VDAC1: variants seen among roughly 807,000 people sequenced by gnomAD.
VDAC1 encodes non-selective voltage-gated ion channel VDAC1.
Under a neutral mutation model 34.7 loss-of-function variants are expected in VDAC1, and 10 were observed. The observed-to-expected ratio is 0.29, with a 90% CI of 0.18 to 0.49. The LOEUF (loss-of-function observed/expected upper bound fraction) is 0.49. Ranked by LOEUF, VDAC1 falls within the 20% of genes least tolerant of loss-of-function variation. VDAC1 has a pLI of 0.99. For synonymous variants in VDAC1, 130 were observed against 136.0 expected (o/e 0.96, Z 0.30); for missense variants, 230 against 347.9 (o/e 0.66, Z 2.69).
chr5:133,992,592 TAAG>T (rs1753146170), intron 2 of VDAC1, among the ~76,000 whole-genome samples: 2 of 152,234 alleles, frequency 1.3e-5, no homozygotes, highest in African/African-American at 2.4e-5. Flanking sequence ...CAGGGTCTGA[TAAG>T]AAGACACCTG....
At chr5:134,075,802 G>C in the VDAC1 span, among the ~76,000 whole-genome samples, 1 of 151,962 alleles carries the variant, frequency 6.6e-6, no homozygotes, top group South Asian at 2.1e-4. Context: ...AGCCAGGATG[G>C]TCTCGATCTC....
At chr5:134,008,195 A>G (rs1753786602), upstream of VDAC1, among the ~76,000 whole-genome samples, 1 of 151,638 alleles carries the variant, frequency 6.6e-6, no homozygotes, top group African/African-American at 2.4e-5. Context: ...ATGAGACCAG[A>G]TGAGAATTCC....
At chr5:134,054,129 G>A in the VDAC1 span, among the ~76,000 whole-genome samples, 105,040 of 152,102 alleles carry the variant, frequency 0.69, 36,953 homozygotes, top group Admixed American at 0.78. Flanking sequence ...GAATTTACAA[G>A]GTGTCTTTTA....
the VDAC1 span, among the ~76,000 whole-genome samples, chr5:134,050,480 T>C: frequency 6.6e-6 from 1 of 152,106 alleles, no homozygotes; most frequent in South Asian, 2.1e-4. Flanking sequence ...AGCAACTGTT[T>C]CCTCTGGGCA....
chr5:134,071,448 C>G, the VDAC1 span, among the ~76,000 whole-genome samples: 2 of 152,198 alleles, frequency 1.3e-5, no homozygotes, highest in Non-Finnish European at 2.9e-5. This position sits in a 1 kb window ranked among gnomAD's most constrained non-coding sequence, Gnocchi z 4.1. Context: ...GGGGGAGCGC[C>G]CTTCTCCACG....
At chr5:134,095,591 A>G in the VDAC1 span, among the ~76,000 whole-genome samples, 1 of 152,178 alleles carries the variant, frequency 6.6e-6, no homozygotes, top group East Asian at 1.9e-4. Flanking sequence ...GACTATCACA[A>G]GACTGGGGTT....
chr5:134,090,069 G>A, the VDAC1 span, among the ~76,000 whole-genome samples: 4 of 152,092 alleles, frequency 2.6e-5, no homozygotes, highest in South Asian at 2.1e-4. Flanking sequence ...CTCAGGCCTC[G>A]TCCAGTCTGG....
the VDAC1 span, among the ~76,000 whole-genome samples, chr5:134,083,662 A>G: frequency 6.6e-6 from 1 of 152,244 alleles, no homozygotes. Flanking sequence ...CCCTCTGCAC[A>G]GATGTCTCCA....
At chr5:133,977,624 G>A (rs187378157) in intron 6 of VDAC1, among the ~76,000 whole-genome samples, 270 of 152,300 alleles carry the variant, frequency 1.8e-3, no homozygotes, top group Non-Finnish European at 3.2e-3. Context: ...GTCCTCTGTC[G>A]GGCTGGGGTC....
chr5:134,030,825 C>T, the VDAC1 span, among the ~76,000 whole-genome samples: 1 of 152,082 alleles, frequency 6.6e-6, no homozygotes. Flanking sequence ...GATGGTCAGG[C>T]TGGTCTTGAA....
the VDAC1 span, among the ~76,000 whole-genome samples, chr5:134,013,942 C>G: frequency 7.2e-6 from 1 of 139,070 alleles, no homozygotes; most frequent in African/African-American, 2.7e-5. Flanking sequence ...ACTCCGTCTC[C>G]CATCCCACCC....
At chr5:134,005,931 A>C (rs1446532730), upstream of VDAC1, among the ~76,000 whole-genome samples, 1 of 152,222 alleles carries the variant, frequency 6.6e-6, no homozygotes, top group Admixed American at 6.5e-5. Context: ...CCTCACAGCC[A>C]GCTGCGACAC....
chr5:134,039,197 T>C, the VDAC1 span, among the ~76,000 whole-genome samples: 26 of 152,282 alleles, frequency 1.7e-4, no homozygotes, highest in South Asian at 5.2e-3. Flanking sequence ...CCTATTGCTG[T>C]TACAGTGATT....
At chr5:134,068,069 G>C in the VDAC1 span, among the ~76,000 whole-genome samples, 1 of 152,012 alleles carries the variant, frequency 6.6e-6, no homozygotes, top group East Asian at 1.9e-4. Context: ...AGTAAGCAGA[G>C]ATCGCACCAC....
At chr5:133,986,454 T>C (rs960172225) in intron 5 of VDAC1, among the ~76,000 whole-genome samples, 1 of 152,024 alleles carries the variant, frequency 6.6e-6, no homozygotes, top group Non-Finnish European at 1.5e-5. Flanking sequence ...TGGAGTGCAG[T>C]GGTACCATCT....
chr5:134,096,993 C>G, the VDAC1 span, among the ~76,000 whole-genome samples: 1 of 152,270 alleles, frequency 6.6e-6, no homozygotes, highest in African/African-American at 2.4e-5. Flanking sequence ...GGGACTTAGC[C>G]TATTGCTAGA....
the VDAC1 span, among the ~76,000 whole-genome samples, chr5:134,063,896 A>C: frequency 6.6e-6 from 1 of 152,054 alleles, no homozygotes; most frequent in African/African-American, 2.4e-5. Flanking sequence ...GCAGTAGCAC[A>C]ATTAGAGCTC....
chr5:133,983,807 G>A (rs1415699124), intron 5 of VDAC1, among the ~76,000 whole-genome samples: 2 of 152,154 alleles, frequency 1.3e-5, no homozygotes, highest in African/African-American at 4.8e-5. Context: ...ATCCCTCATG[G>A]ATTGGTGCTG....
the VDAC1 span, among the ~76,000 whole-genome samples, chr5:134,081,239 A>C: frequency 6.6e-6 from 1 of 152,312 alleles, no homozygotes; most frequent in East Asian, 1.9e-4. Context: ...GGGTTTCACC[A>C]TGTTGGCCAG....
Sources: allele counts gnomAD v4.1 joint callset (sites outside exome capture counted in the v4.1 genomes callset), GRCh38; gene constraint gnomAD v4.1.1; non-coding constraint Gnocchi (gnomAD v3.1); transcripts MANE v1.5; gene names NCBI Gene and HGNC (gene_info 2026-07-23, HGNC 2026-07-21).